LCLAT1: variants seen among roughly 807,000 people sequenced by gnomAD.
LCLAT1 encodes 1-AGP acyltransferase 8.
A neutral mutation model predicts 30.7 loss-of-function variants in LCLAT1; 11 were observed. The observed-to-expected ratio is 0.36, with a 90% CI of 0.23 to 0.59. The LOEUF is 0.59. Among genes scored for constraint, LCLAT1 ranks in the 20% least tolerant of loss-of-function variants. The pLI, the probability that LCLAT1 is intolerant of heterozygous loss-of-function variation, is 0.77. For missense variants in LCLAT1, 402 were observed against 458.6 expected (o/e 0.88, Z 1.13); for synonymous variants, 155 against 151.3 (o/e 1.02, Z -0.18).
chr2:30,633,642 G>A (rs1344484711), intron 5 of LCLAT1, among the ~76,000 whole-genome samples: 1 of 152,078 alleles, frequency 6.6e-6, no homozygotes, highest in Non-Finnish European at 1.5e-5. Context: ...CCGAGGTCAC[G>A]CCACTGCACT....
chr2:30,613,526 A>G (rs975956437), intron 5 of LCLAT1, among the ~76,000 whole-genome samples: 8 of 151,042 alleles, frequency 5.3e-5, no homozygotes, highest in African/African-American at 1.2e-4. Flanking sequence ...AGGTGGGACG[A>G]GAGATTTGGA....
chr2:30,552,099 G>T (rs889091482), intron 3 of LCLAT1, among the ~76,000 whole-genome samples: 1 of 152,198 alleles, frequency 6.6e-6, no homozygotes, highest in African/African-American at 2.4e-5. Context: ...TTTGATTATA[G>T]GTCCTCTCAG....
chr2:30,510,726 C>T (rs1179680113), intron 1 of LCLAT1, among the ~76,000 whole-genome samples: 1 of 152,084 alleles, frequency 6.6e-6, no homozygotes, highest in Non-Finnish European at 1.5e-5. Flanking sequence ...GACCTCGTGT[C>T]TTGGCCCTTT....
At chr2:30,510,411 C>G (rs1363024675) in intron 1 of LCLAT1, among the ~76,000 whole-genome samples, 1 of 152,148 alleles carries the variant, frequency 6.6e-6, no homozygotes, top group African/African-American at 2.4e-5. Flanking sequence ...CTGTTTTTGT[C>G]TTGCTCCTGG....
chr2:30,568,864 C>CAAAAAAAACAAAAA (rs1665639652), intron 5 of LCLAT1, among the ~76,000 whole-genome samples: 1 of 89,114 alleles, frequency 1.1e-5, no homozygotes, highest in East Asian at 3.9e-4. Flanking sequence ...TCATGAATAG[C>CAAAAAAAACAAAAA]AAAAAAAAAA....
chr2:30,507,198 A>G (rs1417983183), intron 1 of LCLAT1, among the ~76,000 whole-genome samples: 4 of 149,842 alleles, frequency 2.7e-5, no homozygotes, highest in African/African-American at 9.6e-5. Context: ...TGGAAAAATT[A>G]TAAAGTTGTC....
intron 5 of LCLAT1, among the ~76,000 whole-genome samples, chr2:30,570,849 G>T (rs1385763195): frequency 6.6e-6 from 1 of 152,158 alleles, no homozygotes; most frequent in African/African-American, 2.4e-5. Context: ...GGCTAAGGAG[G>T]CATCAGTTGG....
intron 1 of LCLAT1, among the ~76,000 whole-genome samples, chr2:30,468,199 G>A (rs866148387): frequency 6.6e-6 from 1 of 152,208 alleles, no homozygotes; most frequent in East Asian, 1.9e-4. Flanking sequence ...TTATTAAATA[G>A]GGAATCCTTT....
chr2:30,629,218 CCA>C (rs1273493819), intron 5 of LCLAT1, among the ~76,000 whole-genome samples: 1 of 152,100 alleles, frequency 6.6e-6, no homozygotes, highest in African/African-American at 2.4e-5. Flanking sequence ...AATTATATTA[CCA>C]CAGTGTTTTT....
At chr2:30,522,505 A>G (rs951135446) in intron 1 of LCLAT1, among the ~76,000 whole-genome samples, 3 of 152,252 alleles carry the variant, frequency 2.0e-5, no homozygotes, top group Non-Finnish European at 4.4e-5. Context: ...AGAGTCACAT[A>G]GGAGCTCATA....
At chr2:30,447,761 T>C (rs1316300307) in intron 1 of LCLAT1, among the ~76,000 whole-genome samples, 1 of 152,230 alleles carries the variant, frequency 6.6e-6, no homozygotes, top group East Asian at 1.9e-4. Context: ...GGAGCTGCAC[T>C]GTCCCGGAAC....
intron 5 of LCLAT1, among the ~76,000 whole-genome samples, chr2:30,590,189 T>G (rs1348607755): frequency 6.6e-6 from 1 of 152,124 alleles, no homozygotes; most frequent in Non-Finnish European, 1.5e-5. Context: ...GCCTTCATTT[T>G]AAATAAACGC....
At chr2:30,473,737 A>T (rs375955119) in intron 1 of LCLAT1, among the ~76,000 whole-genome samples, 3 of 152,310 alleles carry the variant, frequency 2.0e-5, no homozygotes, top group Admixed American at 2.0e-4. Context: ...GGGAATGAAG[A>T]TGAGTGGGCA....
chr2:30,619,110 C>T (rs749696254), intron 5 of LCLAT1, among the ~76,000 whole-genome samples: 6 of 152,126 alleles, frequency 3.9e-5, no homozygotes, highest in Non-Finnish European at 7.4e-5. Context: ...CATCTTCCTA[C>T]GTAATCCCTG....
intron 5 of LCLAT1, among the ~76,000 whole-genome samples, chr2:30,585,478 G>C (rs979013561): frequency 1.3e-5 from 2 of 152,106 alleles, no homozygotes; most frequent in Admixed American, 6.5e-5. Context: ...CCGTCTGCAT[G>C]ATAACTCATG....
chr2:30,539,184 C>T (rs1391506294), intron 3 of LCLAT1, among the ~76,000 whole-genome samples: 3 of 150,204 alleles, frequency 2.0e-5, no homozygotes, highest in East Asian at 2.0e-4. Context: ...CTCTTGACCT[C>T]GTGATCCGCC....
intron 1 of LCLAT1, among the ~76,000 whole-genome samples, chr2:30,473,522 T>C (rs1217490060): frequency 1.3e-5 from 2 of 152,222 alleles, no homozygotes; most frequent in Admixed American, 1.3e-4. Flanking sequence ...TAATTCCTTA[T>C]AATCGTGATA....
intron 1 of LCLAT1, among the ~76,000 whole-genome samples, chr2:30,488,010 T>C (rs1222884668): frequency 7.2e-5 from 11 of 152,250 alleles, no homozygotes; most frequent in Admixed American, 7.2e-4. Context: ...CATGGAGTTG[T>C]ACACTTTTAA....
chr2:30,455,281 G>A (rs1005234316), intron 1 of LCLAT1, among the ~76,000 whole-genome samples: 1 of 151,988 alleles, frequency 6.6e-6, no homozygotes, highest in Admixed American at 6.5e-5. Flanking sequence ...TATGCCTTTT[G>A]CATACATATT....
Sources: allele counts gnomAD v4.1 joint callset (sites outside exome capture counted in the v4.1 genomes callset), GRCh38; gene constraint gnomAD v4.1.1; transcripts MANE v1.5; gene names NCBI Gene and HGNC (gene_info 2026-07-23, HGNC 2026-07-21).